Variants in DOCK4 observed in about 807,000 individuals in gnomAD.
DOCK4 encodes the protein dedicator of cytokinesis protein 4.
A neutral mutation model predicts 268.1 loss-of-function variants in DOCK4; 97 were observed. The observed-to-expected ratio is 0.36, with a 90% CI of 0.31 to 0.43. DOCK4 has a LOEUF of 0.43. DOCK4 is among the 20% of genes least tolerant of loss of function. The pLI is 1.00. For missense variants in DOCK4, 2,145 were observed against 2,455.7 expected (o/e 0.87, Z 2.67); for synonymous variants, 954 against 887.2 (o/e 1.08, Z -1.34).
At chr7:112,098,260 C>T (rs915285349) in intron 1 of DOCK4, among the ~76,000 whole-genome samples, 1 of 151,982 alleles carries the variant, frequency 6.6e-6, no homozygotes, top group African/African-American at 2.4e-5. Context: ...TTCACTGCAA[C>T]CTCCGCCTCC....
At chr7:112,149,924 AAAGGCAACAGCTGCTG>A (rs1439201306) in intron 1 of DOCK4, among the ~76,000 whole-genome samples, 1 of 152,230 alleles carries the variant, frequency 6.6e-6, no homozygotes, top group African/African-American at 2.4e-5. Context: ...AGGATGTGGG[AAAGGCAACAGCTGCTG>A]ACATTTACTG....
chr7:111,796,851 G>A (rs556821707), intron 30 of DOCK4, among the ~76,000 whole-genome samples: 1 of 152,212 alleles, frequency 6.6e-6, no homozygotes, highest in East Asian at 1.9e-4. Flanking sequence ...GGGTAAGCGT[G>A]GTTAGTCCCA....
intron 1 of DOCK4, among the ~76,000 whole-genome samples, chr7:112,132,035 G>A (rs546795002): frequency 4.6e-4 from 70 of 152,188 alleles, no homozygotes; most frequent in African/African-American, 1.5e-3. Flanking sequence ...ATCTCATTTC[G>A]GGCAGATTTA....
At chr7:112,069,276 A>G (rs1233536226) in intron 1 of DOCK4, among the ~76,000 whole-genome samples, 1 of 152,222 alleles carries the variant, frequency 6.6e-6, no homozygotes, top group Non-Finnish European at 1.5e-5. Flanking sequence ...ACTGCAGGCT[A>G]AATGTTTTTA....
intron 1 of DOCK4, among the ~76,000 whole-genome samples, chr7:112,066,642 A>G (rs1411220741): frequency 7.2e-6 from 1 of 138,022 alleles, no homozygotes; most frequent in African/African-American, 2.7e-5. Flanking sequence ...ATACACACAT[A>G]TACATATATA....
intron 38 of DOCK4, among the ~76,000 whole-genome samples, chr7:111,765,830 A>C (rs1416378095): frequency 6.6e-6 from 1 of 152,216 alleles, no homozygotes; most frequent in East Asian, 1.9e-4. Context: ...GAAACTATGA[A>C]GCATATAAAG....
intron 12 of DOCK4, among the ~76,000 whole-genome samples, chr7:111,930,733 G>A (rs1027652105): frequency 3.3e-5 from 5 of 152,120 alleles, no homozygotes; most frequent in East Asian, 1.9e-4. Flanking sequence ...CTATCTTGAG[G>A]TAAGCCATGA....
At chr7:112,017,741 C>T (rs866198364) in intron 1 of DOCK4, among the ~76,000 whole-genome samples, 3 of 152,172 alleles carry the variant, frequency 2.0e-5, no homozygotes, top group Non-Finnish European at 4.4e-5. Context: ...CTCTCAACCA[C>T]ACCCTATCCC....
intron 11 of DOCK4, among the ~76,000 whole-genome samples, chr7:111,938,907 G>C (rs937359294): frequency 6.7e-6 from 1 of 150,122 alleles, no homozygotes; most frequent in African/African-American, 2.5e-5. Context: ...CTGGGAGGCG[G>C]AGGTTGCAGT....
rs1181189512 is a variant in DOCK4, at chr7:111,846,982, G to A, written c.2601+17C>T. On this transcript the variant is annotated intron_variant, in intron 24 of 52. Coordinates refer to ENST00000428084, the MANE Select transcript of DOCK4 (RefSeq NM_001363540.2). Reference sequence around the variant, plus strand: ...CCATTTGAAGGGAGCTATATACTATGACCTGTATTTACTTACTGAGCTATT... The same window carrying A: ...CCATTTGAAGGGAGCTATATACTATAACCTGTATTTACTTACTGAGCTATT... The A allele has an allele frequency of 1.2e-6, 2 of 1,612,660 alleles. No homozygotes were observed. The highest frequency in any genetic ancestry group is 3.3e-5 in the Admixed American group (2 of 59,990).
chr7:111,728,186 T>TA lies in DOCK4; in HGVS notation c.*87_*88insT. 2.0e-6 allele frequency: 2 copies of TA among 1,010,914 alleles called. No individual in the cohort carries two copies. 62.6% of individuals were successfully genotyped at this position (1,010,914 alleles called of 1,614,324 possible). A position where few individuals can be genotyped will look rare whatever the true frequency, so the allele number is the denominator to read the frequency against. On this transcript the variant is annotated 3_prime_UTR_variant, in exon 53 of 53. Transcript: ENST00000428084. ...TTCATCGAAGGAGCTGAGTAAGTTATTAAAGTGCCTACACTAAATGTCTTC... is the reference window on the plus strand; with the variant it reads ...TTCATCGAAGGAGCTGAGTAAGTTATATAAAGTGCCTACACTAAATGTCTTC...
At chr7:111,791,773 T>C (rs1173547759) in intron 30 of DOCK4, among the ~76,000 whole-genome samples, 1 of 151,846 alleles carries the variant, frequency 6.6e-6, no homozygotes, top group African/African-American at 2.4e-5. Context: ...AGAGATGGAG[T>C]CTCACAACAT....
intron 47 of DOCK4, chr7:111,740,023 T>C (rs1795793342): frequency 2.9e-6 from 1 of 349,590 alleles, no homozygotes; most frequent in African/African-American, 2.2e-5. Flanking sequence ...TTTTCTTGTA[T>C]AAAAAAAATA....
intron 1 of DOCK4, among the ~76,000 whole-genome samples, chr7:112,013,455 T>C (rs368600125): frequency 2.6e-5 from 4 of 152,086 alleles, no homozygotes; most frequent in South Asian, 2.1e-4. Context: ...AACGGAGAAA[T>C]AGAGGAACAA....
In DOCK4 at chr7:112,206,373, C is replaced by G; in HGVS notation, c.-235G>C. Reference sequence around the variant, plus strand: ...AGTCCTCCGACGCGCTCCCGGGTACCCGGCGGCGCAGTCATTGTTCTGATT... The same window carrying G: ...AGTCCTCCGACGCGCTCCCGGGTACGCGGCGGCGCAGTCATTGTTCTGATT... On this transcript the variant is annotated 5_prime_UTR_variant, in exon 1 of 53. Coordinates refer to ENST00000428084, the MANE Select transcript of DOCK4 (RefSeq NM_001363540.2). 5.1e-6 allele frequency: 3 copies of G among 584,352 alleles called. No individual in the cohort carries two copies. The South Asian group carries it at 6.2e-5, about 12-fold the overall frequency. 36.2% of individuals were successfully genotyped at this position (584,352 alleles called of 1,614,324 possible).
chr7:112,039,812 G>A (rs1804194952), intron 1 of DOCK4, among the ~76,000 whole-genome samples: 1 of 152,074 alleles, frequency 6.6e-6, no homozygotes, highest in African/African-American at 2.4e-5. Context: ...CTGAGTTTGA[G>A]TTAAATAATA....
At chr7:111,766,899 C>A in intron 38 of DOCK4, 133 bp downstream of exon 38, 1 of 634,084 alleles carries the variant, frequency 1.6e-6, no homozygotes, top group South Asian at 2.1e-5. Flanking sequence ...ATATAAATAG[C>A]TAAGTATGCT....
intron 1 of DOCK4, among the ~76,000 whole-genome samples, chr7:112,077,469 A>G (rs1215906783): frequency 6.6e-6 from 1 of 152,168 alleles, no homozygotes; most frequent in Non-Finnish European, 1.5e-5. Flanking sequence ...TTTTAAAGAT[A>G]TATTATTTAT....
chr7:111,921,970 G>A (rs1225696850), intron 12 of DOCK4, among the ~76,000 whole-genome samples: 1 of 152,094 alleles, frequency 6.6e-6, no homozygotes, highest in Non-Finnish European at 1.5e-5. Flanking sequence ...GGTTTCAAAG[G>A]CAAATATGTC....
Sources: gnomAD v4.1 joint callset for allele counts (sites outside exome capture counted in the v4.1 genomes callset) on GRCh38, gnomAD v4.1.1 for gene constraint, MANE v1.5 for transcripts, NCBI Gene and HGNC (gene_info 2026-07-23, HGNC 2026-07-21) for gene names.